The following KCNMA1 variants were observed in gnomAD, a reference collection of about 807,000 sequenced individuals.
The protein encoded by KCNMA1 is Calcium-activated potassium channel subunit alpha-1.
In KCNMA1, 29 loss-of-function variants were observed where a neutral mutation model predicts 140.0. The ratio of observed to expected loss-of-function variants is 0.21; its 90% CI spans 0.15 to 0.28. KCNMA1 has a LOEUF of 0.28. KCNMA1 is among the 10% of genes least tolerant of loss of function. KCNMA1 has a pLI of 1.00. For synonymous variants in KCNMA1, 612 were observed against 611.9 expected (o/e 1.00, Z 0.00); for missense variants, 880 against 1,602.2 (o/e 0.55, Z 7.70).
At chr10:77,434,975 A>T (rs1268133557) in intron 1 of KCNMA1, among the ~76,000 whole-genome samples, 1 of 152,142 alleles carries the variant, frequency 6.6e-6, no homozygotes, top group Non-Finnish European at 1.5e-5. Context: ...TTTTTTGGGG[A>T]GAGAGTCTCA....
chr10:77,404,130 A>C lies in KCNMA1; in HGVS notation c.379-107T>G, dbSNP rs2096380897. 3.9e-6 allele frequency: 4 copies of C among 1,038,492 alleles called. No individual in the cohort carries two copies. In the South Asian group the frequency reaches 3.9e-5, roughly 10 times the overall value. The allele number at this position is 1,038,492 out of a possible 1,614,324, so 64.3% of individuals were successfully genotyped here. A position where few individuals can be genotyped will look rare whatever the true frequency, so the allele number is the denominator to read the frequency against. On this transcript the variant is annotated intron_variant, in intron 1 of 27. Transcript: ENST00000286628. ...AGAAGGGGTCCCCAGCTGAGATGGAAACTAGCTTAAAGGTATAGGAGTAAA... is the reference window on the plus strand; with the variant it reads ...AGAAGGGGTCCCCAGCTGAGATGGACACTAGCTTAAAGGTATAGGAGTAAA...
chr10:77,010,829 T>G (rs778944135), intron 18 of KCNMA1, among the ~76,000 whole-genome samples: 2 of 151,764 alleles, frequency 1.3e-5, no homozygotes, highest in Non-Finnish European at 2.9e-5. Flanking sequence ...AACAAGGATT[T>G]TATGGGGTAC....
At chr10:77,439,612 C>G (rs7476129) in intron 1 of KCNMA1, among the ~76,000 whole-genome samples, 1 of 152,198 alleles carries the variant, frequency 6.6e-6, no homozygotes, top group Non-Finnish European at 1.5e-5. Flanking sequence ...ACCCTGAAGG[C>G]TAAGTCAACC....
chr10:77,567,484 C>G (rs1229313442), intron 1 of KCNMA1, among the ~76,000 whole-genome samples: 1 of 152,216 alleles, frequency 6.6e-6, no homozygotes, highest in African/African-American at 2.4e-5. Flanking sequence ...GTTATGAACA[C>G]AGTCCCTTTG....
intron 21 of KCNMA1, among the ~76,000 whole-genome samples, chr10:76,952,606 T>C (rs2066729389): frequency 6.6e-6 from 1 of 152,232 alleles, no homozygotes; most frequent in Non-Finnish European, 1.5e-5. Flanking sequence ...GGACAACAGC[T>C]GTTTGCTAAG....
chr10:77,339,725 G>A (rs193214057), intron 2 of KCNMA1, among the ~76,000 whole-genome samples: 124 of 152,352 alleles, frequency 8.1e-4, no homozygotes, highest in Admixed American at 1.7e-3. Flanking sequence ...GCCTGTCCTC[G>A]AAGATGGAAA....
intron 1 of KCNMA1, among the ~76,000 whole-genome samples, chr10:77,629,517 G>A (rs1030484834): frequency 3.3e-5 from 5 of 152,084 alleles, no homozygotes; most frequent in East Asian, 1.9e-4. Context: ...ATGCATTCTC[G>A]TTCAGCCCCC....
intron 1 of KCNMA1, among the ~76,000 whole-genome samples, chr10:77,614,068 G>GT (rs2088258042): frequency 6.6e-6 from 1 of 152,172 alleles, no homozygotes; most frequent in Non-Finnish European, 1.5e-5. Context: ...GCCTGGGTGG[G>GT]TGTCTAGTCT....
At chr10:76,947,694 A>G (rs1021693917) in intron 22 of KCNMA1, among the ~76,000 whole-genome samples, 6 of 152,234 alleles carry the variant, frequency 3.9e-5, no homozygotes, top group Non-Finnish European at 7.3e-5. Flanking sequence ...TCACTAAGGC[A>G]GTGGGTTTTT....
intron 3 of KCNMA1, among the ~76,000 whole-genome samples, chr10:77,213,431 A>G (rs1444426493): frequency 6.6e-6 from 1 of 152,162 alleles, no homozygotes; most frequent in Non-Finnish European, 1.5e-5. Flanking sequence ...CACCAATACA[A>G]TCAGCCCTTA....
At chr10:76,920,380 A>G (rs1197383474) in intron 23 of KCNMA1, among the ~76,000 whole-genome samples, 1 of 152,068 alleles carries the variant, frequency 6.6e-6, no homozygotes, top group African/African-American at 2.4e-5. Flanking sequence ...CATCCTATGT[A>G]TATACTACTA....
At chr10:77,175,310 C>CT (rs2098743337) in intron 5 of KCNMA1, among the ~76,000 whole-genome samples, 1 of 152,186 alleles carries the variant, frequency 6.6e-6, no homozygotes, top group African/African-American at 2.4e-5. Context: ...TAAACTTGGG[C>CT]TATGAATATT....
intron 2 of KCNMA1, among the ~76,000 whole-genome samples, chr10:77,271,785 T>C (rs2065215921): frequency 6.6e-6 from 1 of 152,086 alleles, no homozygotes; most frequent in Admixed American, 6.6e-5. Context: ...AAATTATACA[T>C]TGATTCACCT....
At chr10:77,360,691 C>T (rs1438953023) in intron 2 of KCNMA1, among the ~76,000 whole-genome samples, 2 of 152,160 alleles carry the variant, frequency 1.3e-5, no homozygotes, top group African/African-American at 4.8e-5. Flanking sequence ...ATGTGTTTCT[C>T]GGGTCTCCAA....
chr10:77,556,086 C>T (rs1248133378), intron 1 of KCNMA1, among the ~76,000 whole-genome samples: 1 of 152,278 alleles, frequency 6.6e-6, no homozygotes, highest in South Asian at 2.1e-4. Flanking sequence ...CTTGGATTTC[C>T]GGTCAGTTCC....
At chr10:77,095,224 T>G (rs1312486541) in intron 9 of KCNMA1, among the ~76,000 whole-genome samples, 1 of 152,204 alleles carries the variant, frequency 6.6e-6, no homozygotes, top group African/African-American at 2.4e-5. Flanking sequence ...GACCACTCAA[T>G]TTGTGAAGAT....
intron 21 of KCNMA1, among the ~76,000 whole-genome samples, chr10:76,951,717 G>C (rs1299897130): frequency 6.6e-6 from 1 of 152,124 alleles, no homozygotes; most frequent in Non-Finnish European, 1.5e-5. Context: ...ATACTTTCCA[G>C]ACAGCACCTC....
chr10:77,099,139 A>G lies in KCNMA1; in HGVS notation c.1224-8629T>C, dbSNP rs181231441. Among the ~76,000 whole-genome samples, 566 of 152,120 alleles carry G rather than the reference A, an allele frequency of 3.7e-3. 5 individuals are homozygous for G. Among genetic ancestry groups the G allele is most frequent in the African/African-American group, 0.013 (531 of 41,490 alleles). ...CAAAGGTCAGCCTCACTCTTCAGGG[A>G]TGAAGGTGGAATAGAGGGAGAATGA... On this transcript the variant is annotated intron_variant, in intron 9 of 27. Transcript: ENST00000286628.
At chr10:77,622,955 A>AT (rs2091770354) in intron 1 of KCNMA1, among the ~76,000 whole-genome samples, 1 of 152,208 alleles carries the variant, frequency 6.6e-6, no homozygotes, top group Non-Finnish European at 1.5e-5. Flanking sequence ...CTTTACATTC[A>AT]TTTTCTGAGG....
Sources: gnomAD v4.1 joint callset for allele counts (sites outside exome capture counted in the v4.1 genomes callset) on GRCh38, gnomAD v4.1.1 for gene constraint, MANE v1.5 for transcripts, NCBI Gene and HGNC (gene_info 2026-07-23, HGNC 2026-07-21) for gene names.